PTP4A2: variants seen among roughly 807,000 people sequenced by gnomAD.
The protein encoded by PTP4A2 is protein tyrosine phosphatase 4A2.
PTP4A2 carries 2 observed loss-of-function variants against 22.9 expected under a neutral mutation model. The observed-to-expected ratio is 0.09, with a 90% CI of 0.04 to 0.27. The LOEUF (loss-of-function observed/expected upper bound fraction) is 0.27, where lower values mean the gene tolerates loss of function less well. Ranked by LOEUF, PTP4A2 falls within the 10% of genes least tolerant of loss-of-function variation. The pLI is 1.00. For missense variants in PTP4A2, 103 were observed against 205.1 expected (o/e 0.50, Z 3.04); for synonymous variants, 68 against 69.1 (o/e 0.98, Z 0.08).
At chr1:31,916,345 C>CAAAAAAAAA (rs1167002913) in intron 2 of PTP4A2, among the ~76,000 whole-genome samples, 1 of 35,466 alleles carries the variant, frequency 2.8e-5, no homozygotes, top group Non-Finnish European at 6.4e-5. Flanking sequence ...ACTCCGTCTC[C>CAAAAAAAAA]AAAAAAAAAA....
intron 3 of PTP4A2, chr1:31,913,090 T>C: frequency 2.3e-6 from 1 of 428,128 alleles, no homozygotes; most frequent in South Asian, 1.7e-5. Context: ...TTTAAAAAAA[T>C]CATTAATCAT....
At chr1:31,913,879 C>T (rs183454348) in intron 3 of PTP4A2, 27 of 455,970 alleles carry the variant, frequency 5.9e-5, no homozygotes, top group Non-Finnish European at 1.1e-4. Context: ...CACTAGAGAA[C>T]ATATTCATAA....
rs2124130124 is a variant in PTP4A2, at chr1:31,908,889, C to T, written c.467G>A (p.Arg156His). Reference sequence around the variant, plus strand: ...GCAATGCCCATTGGTATCTCTGAAGCGTAATCGCATCTTAGGTCGGTATTT... The same window carrying T: ...GCAATGCCCATTGGTATCTCTGAAGTGTAATCGCATCTTAGGTCGGTATTT... ...LEKYRPKMRL[R>H]FRDTNGHCCV... Residue 156 changes from arginine (R) to histidine (H), a missense_variant, in exon 6 of 6, where the codon CGC becomes CAC. Physicochemically the swap from Arg to His is conservative, Grantham distance 29 (BLOSUM62 0). Transcript: ENST00000647444. 2 of 1,613,764 alleles carry T rather than the reference C, an allele frequency of 1.2e-6. No homozygotes were observed. The highest frequency in any genetic ancestry group is 1.7e-6 in the Non-Finnish European group (2 of 1,179,864).
At chr1:31,911,897 G>T in intron 3 of PTP4A2, 71 bp from the exon 4 acceptor site, 3 of 1,232,230 alleles carry the variant, frequency 2.4e-6, no homozygotes, top group Non-Finnish European at 3.4e-6. Context: ...CAGAATACCT[G>T]CACACAGTAC....
At chr1:31,915,641 G>C (rs1418240187) in intron 3 of PTP4A2, 1 of 265,958 alleles carries the variant, frequency 3.8e-6, no homozygotes. Flanking sequence ...CTGGGCTCAA[G>C]TGATTCCCTC....
At position 31,907,305 on chromosome 1, in the gene PTP4A2, G is replaced by C. The variant is rs1223111781; in HGVS notation, c.*1547C>G. The stretch of plus-strand genomic sequence containing the variant: ...CGTAATATTTAGAGGTGAAAATAGT[G>C]CAAGAGCCCCTGATGGTGCCCCTCT... On this transcript the variant is annotated 3_prime_UTR_variant, in exon 6 of 6. Transcript: ENST00000647444. The C allele has an allele frequency of 6.6e-6, 1 of 152,202 alleles. No homozygotes were observed. Among genetic ancestry groups the C allele is most frequent in the Non-Finnish European group, 1.5e-5 (1 of 68,050 alleles). The allele number at this position is 152,202 out of a possible 1,614,324, so 9.4% of individuals were successfully genotyped here.
At chr1:31,936,914 G>A (rs1032316930) in intron 1 of PTP4A2, among the ~76,000 whole-genome samples, 2 of 152,126 alleles carry the variant, frequency 1.3e-5, no homozygotes, top group African/African-American at 4.8e-5. Context: ...ACTCCGGACA[G>A]ACAAACATTT....
chr1:31,923,524 C>T lies in PTP4A2; in HGVS notation c.-593-3866G>A, dbSNP rs906754692. On this transcript the variant is annotated intron_variant, in intron 1 of 5. Coordinates refer to ENST00000647444, the MANE Select transcript of PTP4A2 (RefSeq NM_080391.4). ...TAATTTTTTGTATTTTTAGTAGAGA[C>T]GGGGTTTCACCGTGTTAGCCAGGAT... Among the ~76,000 whole-genome samples, 133 of 150,756 alleles carry T rather than the reference C, an allele frequency of 8.8e-4. 1 individual carries two copies. The highest frequency in any genetic ancestry group is 6.8e-3 in the Middle Eastern group (2 of 294).
rs143451883 is a variant in PTP4A2 at position 31,930,423 on chromosome 1, G to A, written c.-594+7564C>T. Among the ~76,000 whole-genome samples the A allele has an allele frequency of 2.0e-3, 308 of 152,248 alleles. 3 individuals are homozygous for A. Among genetic ancestry groups the A allele is most frequent in the Admixed American group, 0.015 (235 of 15,298 alleles). On this transcript the variant is annotated intron_variant, in intron 1 of 5. Coordinates refer to ENST00000647444, the MANE Select transcript of PTP4A2 (RefSeq NM_080391.4). ...TTTTCATTTCCCCATTTTGTCAAAT[G>A]TATTGAGCGTATTTAAAGGTCCTGT...
intron 1 of PTP4A2, among the ~76,000 whole-genome samples, chr1:31,925,477 G>A (rs1415367325): frequency 3.3e-5 from 5 of 152,170 alleles, no homozygotes; most frequent in East Asian, 3.9e-4. Context: ...TTTAGAGGCC[G>A]GGCGCCGTGG....
At position 31,935,311 on chromosome 1, in the gene PTP4A2, T is replaced by G. The variant is rs192837767; in HGVS notation, c.-594+2676A>C. Among the ~76,000 whole-genome samples the G allele has an allele frequency of 2.2e-3, 333 of 152,254 alleles. 1 individual carries two copies. In the South Asian group the frequency reaches 0.023, roughly 11 times the overall value. On this transcript the variant is annotated intron_variant, in intron 1 of 5. Coordinates refer to ENST00000647444, the MANE Select transcript of PTP4A2 (RefSeq NM_080391.4). ...GGGGCCCCAAGAGAGTTTCAAGGCA[T>G]AATCTCCTCCCACATAAAAGCCTAG...
At position 31,911,748 on chromosome 1, in the gene PTP4A2, G is replaced by A. The variant is rs758044218; in HGVS notation, c.268C>T (p.Arg90Cys). 4.4e-6 allele frequency: 7 copies of A among 1,606,496 alleles called. No homozygotes were observed. The highest frequency in any genetic ancestry group is 2.3e-5 in the East Asian group (1 of 44,234). Reference sequence around the variant, plus strand: ...GCAACACAGCAACCTGGCTCTTCACGAAATTTGGTTTTTAACAGGTTTAAC... The same window carrying A: ...GCAACACAGCAACCTGGCTCTTCACAAAATTTGGTTTTTAACAGGTTTAAC... The part of the protein sequence containing the change: ...DWLNLLKTKF[R>C]EEPGCCVAVH... The change falls in exon 4 of 6, where the codon CGT becomes TGT. Residue 90 changes from arginine to cysteine, a missense_variant. By Grantham distance (180) the Arg-to-Cys change is radical (BLOSUM62 -3). Coordinates refer to ENST00000647444, the MANE Select transcript of PTP4A2 (RefSeq NM_080391.4).
At position 31,915,932 on chromosome 1, in the gene PTP4A2, T is replaced by C. The variant is rs1167120273; in HGVS notation, c.152A>G (p.Asp51Gly). 1.7e-5 allele frequency: 28 copies of C among 1,608,536 alleles called. No homozygotes were observed. The highest frequency in any genetic ancestry group is 2.2e-5 in the Non-Finnish European group (26 of 1,177,534). ...TLVRVCDATY[D>G]KAPVEKEGIH... is the part of the protein sequence containing the mutation. ...TCCTTCTTTTTCAACTGGAGCTTTATCATATGTAGCATCACAAACTCGAAC... is the reference window on the plus strand; with the variant it reads ...TCCTTCTTTTTCAACTGGAGCTTTACCATATGTAGCATCACAAACTCGAAC... The change falls in exon 3 of 6, where the codon GAT becomes GGT. Residue 51 changes from aspartate (D) to glycine (G), a missense_variant. Coordinates refer to ENST00000647444, the MANE Select transcript of PTP4A2 (RefSeq NM_080391.4).
intron 3 of PTP4A2, chr1:31,914,048 T>G (rs1651686875): frequency 2.6e-6 from 1 of 381,524 alleles, no homozygotes; most frequent in African/African-American, 2.1e-5. Context: ...AAGCAAATTA[T>G]TACCATGCCA....
Position 31,938,330 on chromosome 1 carries a change from C to A in PTP4A2, c.-937G>T, listed in dbSNP as rs1653044072. 2 of 149,080 alleles carry A rather than the reference C, an allele frequency of 1.3e-5. No individual in the cohort carries two copies. The highest frequency in any genetic ancestry group is 1.8e-4 in the South Asian group (1 of 5,566). The allele number at this position is 149,080 out of a possible 1,614,324, so 9.2% of individuals were successfully genotyped here. On this transcript the variant is annotated 5_prime_UTR_variant, in exon 1 of 6. Coordinates refer to ENST00000647444, the MANE Select transcript of PTP4A2 (RefSeq NM_080391.4). The surrounding 1 kb of genome is among the most constrained non-coding windows in gnomAD (Gnocchi z 4.4). The stretch of plus-strand genomic sequence containing the variant: ...GGACAGACGACGGTTACAGCCCGGC[C>A]GATCGCGCCGCCACCACCACCGCTG...
chr1:31,929,932 T>C (rs111852691), intron 1 of PTP4A2, among the ~76,000 whole-genome samples: 1,996 of 152,294 alleles, frequency 0.013, 45 homozygotes, highest in African/African-American at 0.044. Flanking sequence ...TTCCCTGAGG[T>C]TGCAAAATAG....
At chr1:31,917,842 C>A (rs55745741) in intron 2 of PTP4A2, among the ~76,000 whole-genome samples, 1 of 150,004 alleles carries the variant, frequency 6.7e-6, no homozygotes, top group Non-Finnish European at 1.5e-5. Flanking sequence ...GGTGTGGTGG[C>A]GCGCGCCTGT....
intron 1 of PTP4A2, among the ~76,000 whole-genome samples, chr1:31,920,789 AG>A (rs1652112172): frequency 6.6e-6 from 1 of 151,954 alleles, no homozygotes; most frequent in Non-Finnish European, 1.5e-5. Flanking sequence ...TCGCTTGCCT[AG>A]GCCTCCCAAA....
intron 1 of PTP4A2, among the ~76,000 whole-genome samples, chr1:31,920,595 T>C (rs988305336): frequency 2.1e-5 from 3 of 145,886 alleles, no homozygotes; most frequent in African/African-American, 7.6e-5. Context: ...TGAAGTGCAA[T>C]GGCGAGATCT....
Sources: allele counts gnomAD v4.1 joint callset (sites outside exome capture counted in the v4.1 genomes callset), GRCh38; gene constraint gnomAD v4.1.1; non-coding constraint Gnocchi (gnomAD v3.1); transcripts MANE v1.5; gene names NCBI Gene and HGNC (gene_info 2026-07-23, HGNC 2026-07-21).